The following PARD3B variants were observed in gnomAD, a reference collection of about 807,000 sequenced individuals.
PARD3B encodes partitioning defective 3 homolog B.
Under a neutral mutation model 130.2 loss-of-function variants are expected in PARD3B, and 103 were observed. That is an observed-to-expected ratio of 0.79 (90% CI 0.67 to 0.93). The LOEUF (loss-of-function observed/expected upper bound fraction) is 0.93. PARD3B is among the 40% of genes least tolerant of loss of function. The pLI is 0.00. For missense variants in PARD3B, 1,609 were observed against 1,499.2 expected (o/e 1.07, Z -1.21); for synonymous variants, 583 against 553.2 (o/e 1.05, Z -0.76).
intron 21 of PARD3B, among the ~76,000 whole-genome samples, chr2:205,516,270 C>G (rs2050789296): frequency 6.6e-6 from 1 of 152,010 alleles, no homozygotes; most frequent in East Asian, 1.9e-4. Context: ...ATTGCCTTTG[C>G]TATTTGGTCT....
At chr2:204,567,890 C>G (rs2031768266) in intron 1 of PARD3B, among the ~76,000 whole-genome samples, 1 of 152,172 alleles carries the variant, frequency 6.6e-6, no homozygotes, top group South Asian at 2.1e-4. Context: ...GTTTTAATAG[C>G]CATTCTAATG....
intron 7 of PARD3B, among the ~76,000 whole-genome samples, chr2:205,119,855 G>T (rs540463982): frequency 6.6e-6 from 1 of 152,222 alleles, no homozygotes. Context: ...TAAGGGAATA[G>T]CTTCCTGTAC....
At chr2:204,625,554 G>A (rs1313870282) in intron 1 of PARD3B, among the ~76,000 whole-genome samples, 1 of 152,094 alleles carries the variant, frequency 6.6e-6, no homozygotes, top group East Asian at 1.9e-4. Context: ...CATGACATTG[G>A]TACCCAGCTG....
intron 21 of PARD3B, among the ~76,000 whole-genome samples, chr2:205,536,391 C>T (rs544655624): frequency 3.7e-4 from 56 of 152,140 alleles, no homozygotes; most frequent in Non-Finnish European, 7.4e-4. Flanking sequence ...TGAGTTTTGC[C>T]GCTCTGTGAA....
chr2:204,753,451 T>A (rs958937452), intron 2 of PARD3B, among the ~76,000 whole-genome samples: 1 of 152,058 alleles, frequency 6.6e-6, no homozygotes, highest in African/African-American at 2.4e-5. Context: ...CTAGAAAAAA[T>A]TTCCCATTCT....
chr2:205,098,612 T>C (rs1278535041), intron 4 of PARD3B, among the ~76,000 whole-genome samples: 1 of 152,206 alleles, frequency 6.6e-6, no homozygotes, highest in Non-Finnish European at 1.5e-5. Flanking sequence ...CTAGTGATGC[T>C]TCATAATGAA....
At chr2:205,025,213 G>T (rs1696925044) in intron 3 of PARD3B, among the ~76,000 whole-genome samples, 2 of 152,184 alleles carry the variant, frequency 1.3e-5, no homozygotes, top group Non-Finnish European at 1.5e-5. Flanking sequence ...AAGGCAAACT[G>T]CTCACGGCTA....
At chr2:204,858,122 A>T (rs1421641844) in intron 2 of PARD3B, among the ~76,000 whole-genome samples, 3 of 152,194 alleles carry the variant, frequency 2.0e-5, no homozygotes, top group South Asian at 4.1e-4. Context: ...AAGTTTAAGT[A>T]TATATAAACA....
chr2:204,956,773 T>C (rs983283216), intron 2 of PARD3B, among the ~76,000 whole-genome samples: 7 of 152,238 alleles, frequency 4.6e-5, no homozygotes, highest in African/African-American at 7.2e-5. Flanking sequence ...TTTTAAATTA[T>C]GCGCAATTCA....
chr2:204,981,594 A>G (rs1161099481), intron 3 of PARD3B, among the ~76,000 whole-genome samples: 1 of 152,214 alleles, frequency 6.6e-6, no homozygotes, highest in East Asian at 1.9e-4. Context: ...TTAACTATCT[A>G]CCAGGCACTT....
intron 20 of PARD3B, among the ~76,000 whole-genome samples, chr2:205,486,783 G>A (rs778070925): frequency 6.6e-6 from 1 of 152,038 alleles, no homozygotes; most frequent in African/African-American, 2.4e-5. Flanking sequence ...CTCCCACCAG[G>A]CCCCACCTCC....
chr2:205,512,573 C>T (rs373514365), intron 21 of PARD3B, among the ~76,000 whole-genome samples: 3 of 152,104 alleles, frequency 2.0e-5, no homozygotes, highest in East Asian at 3.8e-4. Flanking sequence ...TCCATTCCTT[C>T]GTTGGTTTTT....
At position 205,583,274 on chromosome 2, in the gene PARD3B, A is replaced by G. The variant is rs139261749; in HGVS notation, c.3260+29871A>G. Among the ~76,000 whole-genome samples, 294 of 152,370 alleles carry G rather than the reference A, an allele frequency of 1.9e-3. 1 individual carries two copies. The highest frequency in any genetic ancestry group is 6.6e-3 in the African/African-American group (276 of 41,594). Reference sequence around the variant, plus strand: ...CAGAGCAGTTCACATTTGCTCTTTGAACTCAGAGAACTGATCTGAGTGCAT... The same window carrying G: ...CAGAGCAGTTCACATTTGCTCTTTGGACTCAGAGAACTGATCTGAGTGCAT... On this transcript the variant is annotated intron_variant, in intron 22 of 22. Transcript: ENST00000406610.
chr2:204,997,174 G>T (rs1238214914), intron 3 of PARD3B, among the ~76,000 whole-genome samples: 1 of 152,182 alleles, frequency 6.6e-6, no homozygotes, highest in East Asian at 1.9e-4. Context: ...CGTGATATCT[G>T]TCAGGGTAGG....
intron 2 of PARD3B, among the ~76,000 whole-genome samples, chr2:204,818,695 A>G (rs2043229132): frequency 1.3e-5 from 2 of 152,198 alleles, no homozygotes; most frequent in Non-Finnish European, 2.9e-5. Flanking sequence ...GCCCTAAGAG[A>G]AATATCAGTG....
In PARD3B at chr2:205,104,508, C is replaced by G; in HGVS notation, c.587C>G (p.Thr196Arg). The change falls in exon 5 of 23, where the codon ACA becomes AGA. Residue 196 changes from threonine to arginine, a missense_variant. By Grantham distance (71) the Thr-to-Arg change is moderately conservative. Coordinates refer to ENST00000406610, the MANE Select transcript of PARD3B (RefSeq NM_001302769.2). ...ELLTSPRTKD[T>R]LSDMTRTVEI... is the part of the protein sequence containing the mutation. ...CTAACTTCGCCAAGAACTAAGGACA[C>G]ATTGAGGTATTCTCTTTATACAGAT... 1 of 1,533,560 alleles carries G rather than the reference C, an allele frequency of 6.5e-7. No individual in the cohort carries two copies. The highest frequency in any genetic ancestry group is 9.0e-7 in the Non-Finnish European group (1 of 1,107,206). The allele number at this position is 1,533,560 out of a possible 1,614,324, so 95.0% of individuals were successfully genotyped here.
intron 2 of PARD3B, among the ~76,000 whole-genome samples, chr2:204,961,467 T>A (rs1480140525): frequency 6.6e-6 from 1 of 152,290 alleles, no homozygotes; most frequent in East Asian, 1.9e-4. Flanking sequence ...TAAAGAGCTA[T>A]GGAAAGAGCT....
chr2:204,893,814 T>C (rs1470444134), intron 2 of PARD3B, among the ~76,000 whole-genome samples: 3 of 152,148 alleles, frequency 2.0e-5, no homozygotes, highest in Non-Finnish European at 4.4e-5. Flanking sequence ...AGCTCAGTTC[T>C]TAAGACTGTG....
intron 21 of PARD3B, among the ~76,000 whole-genome samples, chr2:205,549,609 T>C (rs1205259024): frequency 2.6e-5 from 4 of 152,110 alleles, no homozygotes; most frequent in African/African-American, 4.8e-5. Flanking sequence ...AAAAAGATCA[T>C]TGGTTACCAG....
Sources: gnomAD v4.1 joint callset for allele counts (sites outside exome capture counted in the v4.1 genomes callset) on GRCh38, gnomAD v4.1.1 for gene constraint, MANE v1.5 for transcripts, NCBI Gene and HGNC (gene_info 2026-07-23, HGNC 2026-07-21) for gene names.